The following SLC23A2 variants were observed in gnomAD, a reference collection of about 807,000 sequenced individuals.
SLC23A2 encodes solute carrier family 23 member 2.
A neutral mutation model predicts 73.3 loss-of-function variants in SLC23A2; 36 were observed. That is an observed-to-expected ratio of 0.49 (90% CI 0.38 to 0.65). The LOEUF (loss-of-function observed/expected upper bound fraction) is 0.65, where lower values mean the gene tolerates loss of function less well. Ranked by LOEUF, SLC23A2 falls within the 30% of genes least tolerant of loss-of-function variation. SLC23A2 has a pLI of 0.00. For missense variants in SLC23A2, 507 were observed against 841.6 expected, an observed-to-expected ratio of 0.60 and a Z score of 4.92; for synonymous variants, 343 against 327.3, an observed-to-expected ratio of 1.05 and a Z score of -0.52.
chr20:4,877,156 T>C (rs1345705967), intron 9 of SLC23A2, among the ~76,000 whole-genome samples: 1 of 151,904 alleles, frequency 6.6e-6, no homozygotes, highest in African/African-American at 2.4e-5. Flanking sequence ...GAACTTAAAG[T>C]ATAATAAAAT....
chr20:4,961,333 T>C (rs554513106), intron 2 of SLC23A2, among the ~76,000 whole-genome samples: 60 of 152,128 alleles, frequency 3.9e-4, no homozygotes, highest in Admixed American at 1.1e-3. Context: ...CCGCCCACCT[T>C]GGCCTCCCAA....
intron 3 of SLC23A2, among the ~76,000 whole-genome samples, chr20:4,916,186 G>A (rs1600130511): frequency 6.6e-6 from 1 of 152,150 alleles, no homozygotes; most frequent in African/African-American, 2.4e-5. Flanking sequence ...TCAGGTCCAC[G>A]AGATGAAACT....
chr20:4,883,606 C>G lies in SLC23A2; in HGVS notation c.824+36G>C, dbSNP rs375865081. 6.7e-7 allele frequency: 1 copy of G among 1,493,652 alleles called. No homozygotes were observed. Among genetic ancestry groups the G allele is most frequent in the South Asian group, 1.2e-5 (1 of 82,150 alleles). 92.5% of individuals were successfully genotyped at this position (1,493,652 alleles called of 1,614,324 possible). ...GTGTGAATGTTCCTAAAGGCTGCCC[C>G]GCAGTGGTGGGATGAGGGGAGATGT... On this transcript the variant is annotated intron_variant, in intron 9 of 16. Coordinates refer to ENST00000338244, the MANE Select transcript of SLC23A2 (RefSeq NM_005116.6). The surrounding 1 kb of genome is among the most constrained non-coding windows in gnomAD (Gnocchi z 4.5).
chr20:4,961,228 C>T (rs768058534), intron 2 of SLC23A2, among the ~76,000 whole-genome samples: 10 of 151,686 alleles, frequency 6.6e-5, no homozygotes, highest in Non-Finnish European at 1.2e-4. Flanking sequence ...CCTATAGGCA[C>T]GTGTCACCAT....
intron 3 of SLC23A2, among the ~76,000 whole-genome samples, chr20:4,913,896 G>A (rs1162049517): frequency 2.6e-5 from 4 of 151,636 alleles, no homozygotes; most frequent in African/African-American, 9.7e-5. Context: ...CAAAGTGCTG[G>A]GATTATAGGC....
chr20:4,980,527 T>C (rs547543071), intron 1 of SLC23A2, among the ~76,000 whole-genome samples: 70 of 152,072 alleles, frequency 4.6e-4, no homozygotes, highest in African/African-American at 1.7e-3. Context: ...TTTTACTTTC[T>C]TTTTCTTTTC....
rs34295827 is a variant in SLC23A2, at chr20:4,987,285, C to A, written c.-282+14121G>T. Among the ~76,000 whole-genome samples the A allele has an allele frequency of 8.4e-3, 1,284 of 152,296 alleles. 48 individuals are homozygous for A. In the South Asian group the frequency reaches 0.14, roughly 16 times the overall value. ...ACCCATCAAACTTCTCTGAGGGAGA[C>A]AACATTTTCAAACACTGCAGGTCAG... On this transcript the variant is annotated intron_variant, in intron 1 of 16. Transcript: ENST00000338244.
intron 3 of SLC23A2, among the ~76,000 whole-genome samples, chr20:4,931,669 T>A (rs1932792544): frequency 6.6e-6 from 1 of 151,918 alleles, no homozygotes; most frequent in African/African-American, 2.4e-5. Flanking sequence ...CTCGGGAGAC[T>A]GAGATGGGAA....
chr20:4,976,816 A>G (rs149434622), intron 1 of SLC23A2, among the ~76,000 whole-genome samples: 1 of 152,112 alleles, frequency 6.6e-6, no homozygotes, highest in East Asian at 1.9e-4. Flanking sequence ...TACTAAAAAT[A>G]CAAAAATTAG....
intron 4 of SLC23A2, among the ~76,000 whole-genome samples, chr20:4,904,420 A>G (rs1235999898): frequency 6.6e-6 from 1 of 151,680 alleles, no homozygotes; most frequent in Non-Finnish European, 1.5e-5. Context: ...GCCTTTTTCC[A>G]TTGTTGATTT....
chr20:5,000,027 A>T (rs1328917540), intron 1 of SLC23A2, among the ~76,000 whole-genome samples: 1 of 152,168 alleles, frequency 6.6e-6, no homozygotes, highest in African/African-American at 2.4e-5. Flanking sequence ...GTGTGCCATG[A>T]GAGCTTACAC....
chr20:4,885,254 G>C (rs545429821), intron 7 of SLC23A2, among the ~76,000 whole-genome samples: 1 of 152,272 alleles, frequency 6.6e-6, no homozygotes, highest in South Asian at 2.1e-4. Flanking sequence ...GGAAATGAAG[G>C]CTGGAAAACT....
chr20:4,928,890 T>C (rs1341280933), intron 3 of SLC23A2, among the ~76,000 whole-genome samples: 1 of 152,020 alleles, frequency 6.6e-6, no homozygotes, highest in Non-Finnish European at 1.5e-5. Flanking sequence ...CCCTAAAAAA[T>C]GTAACAGGGA....
chr20:4,905,219 T>A (rs1246224004), intron 4 of SLC23A2, among the ~76,000 whole-genome samples: 2 of 151,346 alleles, frequency 1.3e-5, no homozygotes, highest in Admixed American at 6.6e-5. Flanking sequence ...CTTTTCTTAG[T>A]AATGAGGGTA....
chr20:4,913,512 T>A (rs1932227687), intron 3 of SLC23A2, among the ~76,000 whole-genome samples: 1 of 152,220 alleles, frequency 6.6e-6, no homozygotes, highest in Non-Finnish European at 1.5e-5. Context: ...CTTCTAGGAA[T>A]CTATACTGGA....
upstream of SLC23A2, among the ~76,000 whole-genome samples, chr20:5,005,058 A>G (rs1007157148): frequency 2.6e-5 from 4 of 151,312 alleles, no homozygotes; most frequent in African/African-American, 9.7e-5. Context: ...AGCTAAATAA[A>G]GAAAGAATAA....
chr20:5,000,229 A>G (rs891918950), intron 1 of SLC23A2, among the ~76,000 whole-genome samples: 1 of 152,154 alleles, frequency 6.6e-6, no homozygotes. Context: ...AGGCAACGTC[A>G]CCTGCAACGG....
intron 2 of SLC23A2, among the ~76,000 whole-genome samples, chr20:4,953,446 G>A (rs1438741210): frequency 2.6e-5 from 4 of 152,022 alleles, no homozygotes; most frequent in African/African-American, 9.7e-5. Context: ...AAGAATCATA[G>A]GCCTTAACTA....
chr20:4,994,384 GGTGA>G (rs1361403585), intron 1 of SLC23A2, among the ~76,000 whole-genome samples: 1 of 152,186 alleles, frequency 6.6e-6, no homozygotes, highest in Non-Finnish European at 1.5e-5. Context: ...CCCCCAGCTA[GGTGA>G]TCTGCCTTTG....
Sources: allele counts gnomAD v4.1 joint callset (sites outside exome capture counted in the v4.1 genomes callset), GRCh38; gene constraint gnomAD v4.1.1; non-coding constraint Gnocchi (gnomAD v3.1); transcripts MANE v1.5; gene names NCBI Gene and HGNC (gene_info 2026-07-23, HGNC 2026-07-21).